The following STOX2 variants were observed in gnomAD, a reference collection of about 807,000 sequenced individuals.
STOX2 encodes the protein storkhead box 2.
A neutral mutation model predicts 60.9 loss-of-function variants in STOX2; 28 were observed. That is an observed-to-expected ratio of 0.46 (90% CI 0.34 to 0.63). STOX2 has a LOEUF of 0.63. STOX2 is among the 30% of genes least tolerant of loss of function. STOX2 has a pLI of 0.01. For synonymous variants in STOX2, 472 were observed against 463.9 expected (o/e 1.02, Z -0.22); for missense variants, 1,024 against 1,187.7 (o/e 0.86, Z 2.03).
At chr4:183,798,365 G>C (rs1738679682) in intron 1 of STOX2, among the ~76,000 whole-genome samples, 1 of 150,740 alleles carries the variant, frequency 6.6e-6, no homozygotes, top group Non-Finnish European at 1.5e-5. Context: ...CGGGCGGCTC[G>C]GAGGGCGCGG....
At chr4:183,862,148 A>G (rs1218313489) in intron 1 of STOX2, among the ~76,000 whole-genome samples, 1 of 150,056 alleles carries the variant, frequency 6.7e-6, no homozygotes, top group Non-Finnish European at 1.5e-5. Context: ...GATTTCAGAT[A>G]ACGTTAAGTG....
chr4:184,003,888 GC>G (rs1733699481), intron 2 of STOX2, among the ~76,000 whole-genome samples: 1 of 151,902 alleles, frequency 6.6e-6, no homozygotes, highest in Admixed American at 6.6e-5. Context: ...TTTCCTGCCT[GC>G]CTGCCTTCTT....
At chr4:183,989,471 G>A (rs147719738) in intron 1 of STOX2, among the ~76,000 whole-genome samples, 2,108 of 152,156 alleles carry the variant, frequency 0.014, 33 homozygotes, top group Middle Eastern at 0.048. Flanking sequence ...CAAAGTGCTG[G>A]GATTACAGGC....
chr4:183,899,850 A>G (rs1741425303), intron 1 of STOX2, among the ~76,000 whole-genome samples: 1 of 152,226 alleles, frequency 6.6e-6, no homozygotes, highest in Non-Finnish European at 1.5e-5. Context: ...TATTTTGGAA[A>G]GAGATGCCAT....
intron 1 of STOX2, among the ~76,000 whole-genome samples, chr4:183,915,929 C>A (rs1741919490): frequency 6.6e-6 from 1 of 152,254 alleles, no homozygotes; most frequent in Admixed American, 6.5e-5. Flanking sequence ...CCAGCGGCCA[C>A]AGGACACTAG....
chr4:184,018,098 AAAAGGTG>A lies in STOX2; in HGVS notation c.*816_*822del, dbSNP rs1734451260. The A allele has an allele frequency of 6.6e-6, 1 of 152,224 alleles. No homozygotes were observed. Among genetic ancestry groups the A allele is most frequent in the Non-Finnish European group, 1.5e-5 (1 of 68,046 alleles). 9.4% of individuals were successfully genotyped at this position (152,224 alleles called of 1,614,324 possible). Reference sequence around the variant, plus strand: ...GCTGGGGCACAGCATTAGGTGATTGAAAAGGTGATGTGGACTTGTAAAAGGTGTTACT... The same window carrying A: ...GCTGGGGCACAGCATTAGGTGATTGAATGTGGACTTGTAAAAGGTGTTACT... On this transcript the variant is annotated 3_prime_UTR_variant, in exon 4 of 4. Transcript: ENST00000308497.
intron 1 of STOX2, among the ~76,000 whole-genome samples, chr4:183,915,314 A>G (rs1039537155): frequency 3.9e-5 from 6 of 152,200 alleles, no homozygotes; most frequent in African/African-American, 7.2e-5. Flanking sequence ...TAAGAGAGCT[A>G]ATATGCCATT....
At chr4:183,970,175 T>TGGGG in intron 1 of STOX2, among the ~76,000 whole-genome samples, 1 of 148,756 alleles carries the variant, frequency 6.7e-6, no homozygotes, top group African/African-American at 2.5e-5. Context: ...TGTGTGTGTG[T>TGGGG]GTGTGTGGGG....
chr4:183,948,079 G>A (rs1382104377), intron 1 of STOX2, among the ~76,000 whole-genome samples: 1 of 152,026 alleles, frequency 6.6e-6, no homozygotes, highest in Non-Finnish European at 1.5e-5. Flanking sequence ...TTAGCTGGTC[G>A]TGGTGGCTCA....
intron 1 of STOX2, among the ~76,000 whole-genome samples, chr4:183,827,114 CAG>C (rs1337447909): frequency 6.6e-6 from 1 of 152,072 alleles, no homozygotes; most frequent in Admixed American, 6.5e-5. Flanking sequence ...TATTTGAACT[CAG>C]AAAGTCTGGC....
chr4:183,905,844 G>T lies in STOX2; in HGVS notation c.-947G>T, dbSNP rs1400897264. The T allele has an allele frequency of 6.6e-6, 1 of 152,298 alleles. No individual in the cohort carries two copies. The highest frequency in any genetic ancestry group is 2.1e-4 in the South Asian group (1 of 4,838). 9.4% of individuals were successfully genotyped at this position (152,298 alleles called of 1,614,324 possible). A position where few individuals can be genotyped will look rare whatever the true frequency, so the allele number is the denominator to read the frequency against. On this transcript the variant is annotated 5_prime_UTR_variant, in exon 1 of 4. Transcript: ENST00000308497. The stretch of plus-strand genomic sequence containing the variant: ...GGAGCAGCGCTGCCGCCGCGCGGGG[G>T]TCGATCGCAGGCTCGGCGTCCTTGG...
intron 1 of STOX2, among the ~76,000 whole-genome samples, chr4:183,950,944 G>A (rs548972323): frequency 1.4e-4 from 21 of 152,238 alleles, no homozygotes; most frequent in African/African-American, 4.6e-4. Context: ...GGCCGGGCGC[G>A]GTGGCTCACG....
At position 184,001,667 on chromosome 4, in the gene STOX2, G is replaced by A. The variant is rs1333585668; in HGVS notation, c.319+190G>A. 2.6e-5 allele frequency among the ~76,000 whole-genome samples: 4 copies of A among 152,018 alleles called. No individual in the cohort carries two copies. Among genetic ancestry groups the A allele is most frequent in the African/African-American group, 9.7e-5 (4 of 41,372 alleles). On this transcript the variant is annotated intron_variant, in intron 2 of 3. Coordinates refer to ENST00000308497, the MANE Select transcript of STOX2 (RefSeq NM_020225.3). The surrounding 1 kb of genome is among the most constrained non-coding windows in gnomAD (Gnocchi z 4.2). Reference sequence around the variant, plus strand: ...CATGACATCAAAAAATAACTTAACTGCTTCAGCTGTAATACTTTTTAAATT... The same window carrying A: ...CATGACATCAAAAAATAACTTAACTACTTCAGCTGTAATACTTTTTAAATT...
intron 1 of STOX2, among the ~76,000 whole-genome samples, chr4:183,947,037 T>TA (rs778062736): frequency 6.6e-6 from 1 of 151,942 alleles, no homozygotes; most frequent in Non-Finnish European, 1.5e-5. Context: ...CACACCACTT[T>TA]ACATCAAAGG....
At chr4:183,889,926 A>G (rs928864807) in intron 1 of STOX2, among the ~76,000 whole-genome samples, 2 of 152,250 alleles carry the variant, frequency 1.3e-5, no homozygotes, top group African/African-American at 4.8e-5. Flanking sequence ...ACTGCTGTTT[A>G]GAGGCCATAC....
chr4:184,003,268 G>A (rs978788451), intron 2 of STOX2, among the ~76,000 whole-genome samples: 5 of 152,080 alleles, frequency 3.3e-5, no homozygotes, highest in African/African-American at 9.7e-5. Context: ...AATTGGTTAC[G>A]TACCACCCAT....
At chr4:183,829,821 A>G (rs1246863094) in intron 1 of STOX2, among the ~76,000 whole-genome samples, 2 of 152,226 alleles carry the variant, frequency 1.3e-5, no homozygotes, top group Non-Finnish European at 2.9e-5. Flanking sequence ...TGTGTTGGAA[A>G]TGAAACAGAG....
chr4:183,951,046 T>C (rs1743060191), intron 1 of STOX2, among the ~76,000 whole-genome samples: 1 of 151,678 alleles, frequency 6.6e-6, no homozygotes, highest in South Asian at 2.1e-4. Flanking sequence ...AAACCCCGTC[T>C]CTACTAAAAA....
At chr4:183,827,429 C>T (rs1337053977) in intron 1 of STOX2, among the ~76,000 whole-genome samples, 1 of 151,918 alleles carries the variant, frequency 6.6e-6, no homozygotes, top group Non-Finnish European at 1.5e-5. Context: ...GAGTTTGAAG[C>T]TGCAGTGAGC....
Sources: allele counts gnomAD v4.1 joint callset (sites outside exome capture counted in the v4.1 genomes callset), GRCh38; gene constraint gnomAD v4.1.1; non-coding constraint Gnocchi (gnomAD v3.1); transcripts MANE v1.5; gene names NCBI Gene and HGNC (gene_info 2026-07-23, HGNC 2026-07-21).